Variants in RXRA observed in about 807,000 individuals in gnomAD.
The protein encoded by RXRA is retinoic acid receptor RXR-alpha.
A neutral mutation model predicts 44.5 loss-of-function variants in RXRA; 5 were observed. The ratio of observed to expected loss-of-function variants is 0.11; its 90% CI spans 0.06 to 0.24. RXRA has a LOEUF of 0.24. Among genes scored for constraint, RXRA ranks in the 10% least tolerant of loss-of-function variants. RXRA has a pLI of 1.00. For synonymous variants in RXRA, 291 were observed against 271.4 expected (o/e 1.07, Z -0.71); for missense variants, 412 against 646.5 (o/e 0.64, Z 3.93).
chr9:134,407,636 GC>G lies in RXRA; in HGVS notation c.280-510del, dbSNP rs1831075083. Among the ~76,000 whole-genome samples the G allele has an allele frequency of 6.6e-6, 1 of 152,084 alleles. No homozygotes were observed. The highest frequency in any genetic ancestry group is 2.4e-5 in the African/African-American group (1 of 41,418). ...CCTGGGTCACGTGACCAGGGCCCCT[GC>G]CCTGCGGTGTTGTGGGGTGTATGTG... On this transcript the variant is annotated intron_variant, in intron 2 of 9. Coordinates refer to ENST00000481739, the MANE Select transcript of RXRA (RefSeq NM_002957.6). The surrounding 1 kb of genome is among the most constrained non-coding windows in gnomAD (Gnocchi z 4.8).
At chr9:134,326,932 C>T (rs1337050956) in intron 1 of RXRA, among the ~76,000 whole-genome samples, 1 of 150,350 alleles carries the variant, frequency 6.7e-6, no homozygotes, top group East Asian at 2.0e-4. Context: ...AGGGGTCTCC[C>T]GCTCACCGGC....
At chr9:134,422,339 A>AT (rs1831354707) in intron 6 of RXRA, 1 of 1,088,768 alleles carries the variant, frequency 9.2e-7, no homozygotes, top group African/African-American at 2.9e-5. Flanking sequence ...CTGGGACACT[A>AT]CCCCCTCCCG....
chr9:134,423,107 G>A (rs1180844538), intron 6 of RXRA: 1 of 985,372 alleles, frequency 1.0e-6, no homozygotes, highest in South Asian at 4.7e-5. Flanking sequence ...CGCAAAGCTG[G>A]TCCCCCACCT....
chr9:134,346,830 C>T (rs1830159008), intron 1 of RXRA, among the ~76,000 whole-genome samples: 1 of 152,194 alleles, frequency 6.6e-6, no homozygotes, highest in African/African-American at 2.4e-5. Context: ...TTGAGGAGCC[C>T]TTGTCGGGAC....
intron 1 of RXRA, among the ~76,000 whole-genome samples, chr9:134,386,323 G>A (rs1299169088): frequency 2.0e-5 from 3 of 152,266 alleles, no homozygotes; most frequent in Non-Finnish European, 4.4e-5. Flanking sequence ...CCATGAGGCT[G>A]CACCTCCTTG....
At chr9:134,418,519 G>A (rs993918669) in intron 5 of RXRA, among the ~76,000 whole-genome samples, 4 of 152,242 alleles carry the variant, frequency 2.6e-5, no homozygotes, top group East Asian at 3.9e-4. Context: ...TGCTGGGTGC[G>A]CCCTGCAGGT....
At chr9:134,377,475 A>G (rs981091938) in intron 1 of RXRA, among the ~76,000 whole-genome samples, 9 of 152,162 alleles carry the variant, frequency 5.9e-5, no homozygotes, top group Non-Finnish European at 1.0e-4. Flanking sequence ...GTGTGCTGGC[A>G]TCACCGCTCG....
intron 7 of RXRA, among the ~76,000 whole-genome samples, chr9:134,430,191 G>A (rs1395103183): frequency 1.3e-5 from 2 of 152,216 alleles, no homozygotes; most frequent in Non-Finnish European, 2.9e-5. Context: ...CGGCCTCTCT[G>A]CACAGTCTTT....
chr9:134,355,035 T>C (rs1830266426), intron 1 of RXRA, among the ~76,000 whole-genome samples: 1 of 152,236 alleles, frequency 6.6e-6, no homozygotes, highest in African/African-American at 2.4e-5. Flanking sequence ...GTCAGGACCA[T>C]GATCCCAGGA....
chr9:134,409,896 C>T (rs1831120546), intron 4 of RXRA, among the ~76,000 whole-genome samples: 1 of 152,086 alleles, frequency 6.6e-6, no homozygotes, highest in East Asian at 1.9e-4. Flanking sequence ...CCCTGTCCCC[C>T]CGCTCTGCAG....
chr9:134,429,412 C>T (rs1831492313), intron 7 of RXRA, among the ~76,000 whole-genome samples, 172 bp downstream of exon 7: 2 of 152,234 alleles, frequency 1.3e-5, no homozygotes, highest in African/African-American at 4.8e-5. Flanking sequence ...GAGCCCTGTG[C>T]CAGCCCTGCC....
intron 1 of RXRA, among the ~76,000 whole-genome samples, chr9:134,370,193 C>T (rs1033201701): frequency 1.3e-5 from 2 of 152,194 alleles, no homozygotes; most frequent in Non-Finnish European, 2.9e-5. Flanking sequence ...TGAGGAGCCC[C>T]GGAGGCCCTG....
chr9:134,350,417 T>C (rs764596963), intron 1 of RXRA, among the ~76,000 whole-genome samples: 4 of 152,310 alleles, frequency 2.6e-5, no homozygotes, highest in Non-Finnish European at 5.9e-5. Flanking sequence ...GGCTCAGAGC[T>C]GGACATGCTG....
chr9:134,355,825 C>T (rs1830276624), intron 1 of RXRA, among the ~76,000 whole-genome samples: 1 of 152,178 alleles, frequency 6.6e-6, no homozygotes, highest in South Asian at 2.1e-4. Context: ...TCCCAGGGCC[C>T]TGGGCTCACC....
At chr9:134,419,129 A>G (rs1243380293) in intron 5 of RXRA, among the ~76,000 whole-genome samples, 1 of 152,216 alleles carries the variant, frequency 6.6e-6, no homozygotes, top group Non-Finnish European at 1.5e-5. Context: ...TGACAGGCAC[A>G]GACCCACCCC....
intron 7 of RXRA, among the ~76,000 whole-genome samples, chr9:134,430,252 G>A (rs34890963): frequency 0.01 from 1,593 of 152,318 alleles, 28 homozygotes; most frequent in African/African-American, 0.036. Context: ...TCTGGGGACC[G>A]GATGTCAGCT....
chr9:134,417,933 TG>T lies in RXRA; in HGVS notation c.780+608del, dbSNP rs1450578888. ...AGGAGGATTGGGTGGGCCGCAGCCC[TG>T]GTCCCGGGCTCTTCTCCTGGGCTGG... On this transcript the variant is annotated intron_variant, in intron 5 of 9. Transcript: ENST00000481739. The surrounding 1 kb of genome is among the most constrained non-coding windows in gnomAD (Gnocchi z 6.1). Among the ~76,000 whole-genome samples, 1 of 151,934 alleles carries T rather than the reference TG, an allele frequency of 6.6e-6. No homozygotes were observed. Among genetic ancestry groups the T allele is most frequent in the Non-Finnish European group, 1.5e-5 (1 of 67,974 alleles).
At chr9:134,385,780 C>T (rs1181956606) in intron 1 of RXRA, among the ~76,000 whole-genome samples, 2 of 152,226 alleles carry the variant, frequency 1.3e-5, no homozygotes, top group Non-Finnish European at 2.9e-5. Flanking sequence ...GTTGCCATCG[C>T]CCCCCAGCAC....
chr9:134,326,469 G>A lies in RXRA; in HGVS notation c.-163G>A, dbSNP rs1384009903. 1 of 142,024 alleles carries A rather than the reference G, an allele frequency of 7.0e-6. No individual in the cohort carries two copies. The highest frequency in any genetic ancestry group is 1.6e-5 in the Non-Finnish European group (1 of 64,234). The allele number at this position is 142,024 out of a possible 1,614,324, so 8.8% of individuals were successfully genotyped here. On this transcript the variant is annotated 5_prime_UTR_variant, in exon 1 of 10. Coordinates refer to ENST00000481739, the MANE Select transcript of RXRA (RefSeq NM_002957.6). ...CAGACACAAGTAGTTTACATTGTTG[G>A]GCGACTTTTGCAACAACTCGCCGCG...
Sources: gnomAD v4.1 joint callset for allele counts (sites outside exome capture counted in the v4.1 genomes callset) on GRCh38, gnomAD v4.1.1 for gene constraint, Gnocchi (gnomAD v3.1) non-coding constraint, MANE v1.5 for transcripts, NCBI Gene and HGNC (gene_info 2026-07-23, HGNC 2026-07-21) for gene names.